The following GRM6 variants were observed in gnomAD, a reference collection of about 807,000 sequenced individuals.
The protein encoded by GRM6 is glutamate metabotropic receptor 6, also known as metabotropic glutamate receptor 6.
GRM6 carries 73 observed loss-of-function variants against 78.4 expected under a neutral mutation model. The observed-to-expected ratio is 0.93, with a 90% CI of 0.77 to 1.13. GRM6 has a LOEUF of 1.13. Among genes scored for constraint, GRM6 ranks in the 50% most tolerant of loss-of-function variants. The pLI, the probability that GRM6 is intolerant of heterozygous loss-of-function variation, is 0.00. For missense variants in GRM6, 1,251 were observed against 1,256.4 expected (o/e 1.00, Z 0.07); for synonymous variants, 580 against 555.0 (o/e 1.05, Z -0.63).
Position 178,981,418 on chromosome 5 carries a change from TTTCCC to T in GRM6, c.*234_*238del. On this transcript the variant is annotated 3_prime_UTR_variant, in exon 11 of 11. Transcript: ENST00000517717. The surrounding 1 kb of genome is among the most constrained non-coding windows in gnomAD (Gnocchi z 5.1). ...AGAGCTAGAACCTTCTCGGTGGCTG[TTTCCC>T]ACCATGGGAAGCGAGTCTGGTCTGT... is the stretch of plus-strand genomic sequence containing the variant. 3.8e-6 allele frequency: 2 copies of T among 519,546 alleles called. No homozygotes were observed. Among genetic ancestry groups the T allele is most frequent in the Non-Finnish European group, 6.9e-6 (2 of 287,898 alleles). The allele number at this position is 519,546 out of a possible 1,614,324, so 32.2% of individuals were successfully genotyped here.
At chr5:178,989,211 A>AGCCCCC in intron 6 of GRM6, 54 bp downstream of exon 6, 2 of 121,726 alleles carry the variant, frequency 1.6e-5, no homozygotes, top group Non-Finnish European at 2.6e-5. Flanking sequence ...CCCCCTCCCC[A>AGCCCCC]CCCTCACCAC....
chr5:178,992,900 CAAG>C lies in GRM6; in HGVS notation c.505-820_505-818del, dbSNP rs1366369100. On this transcript the variant is annotated intron_variant, in intron 2 of 10. Coordinates refer to ENST00000517717, the MANE Select transcript of GRM6 (RefSeq NM_000843.4). The surrounding 1 kb of genome is among the most constrained non-coding windows in gnomAD (Gnocchi z 4.9). ...GAGGGAAGGTGGGGCTGGAGAGAAA[CAAG>C]AAGGAGAGAGGGAGAGAGAGAGAGA... Among the ~76,000 whole-genome samples the C allele has an allele frequency of 3.3e-5, 5 of 151,468 alleles. No individual in the cohort carries two copies. The highest frequency in any genetic ancestry group is 6.6e-5 in the Admixed American group (1 of 15,180).
At chr5:178,982,064 G>A (rs557977290) in intron 10 of GRM6, among the ~76,000 whole-genome samples, 4 of 152,338 alleles carry the variant, frequency 2.6e-5, no homozygotes, top group African/African-American at 9.6e-5. Flanking sequence ...GGAGGGAGGG[G>A]TGAGGAGGGG....
chr5:178,990,381 C>A (rs1760648361), intron 5 of GRM6, among the ~76,000 whole-genome samples: 1 of 152,276 alleles, frequency 6.6e-6, no homozygotes, highest in Admixed American at 6.5e-5. Context: ...TCCTCCCCGT[C>A]CAGTGAGTGG....
chr5:178,989,689 CA>C (rs1760638603), intron 5 of GRM6: 1 of 531,532 alleles, frequency 1.9e-6, no homozygotes, highest in African/African-American at 1.9e-5. Flanking sequence ...CATGCTGATG[CA>C]AACTCAGAGC....
chr5:178,994,069 G>A (rs774956782), intron 2 of GRM6, among the ~76,000 whole-genome samples: 2 of 152,146 alleles, frequency 1.3e-5, no homozygotes, highest in Non-Finnish European at 2.9e-5. Flanking sequence ...CGAGCGCTCC[G>A]CAGGCCCAGG....
Position 178,993,381 on chromosome 5 carries a change from G to A in GRM6, c.504+1060C>T, listed in dbSNP as rs149955247. On this transcript the variant is annotated intron_variant, in intron 2 of 10. Coordinates refer to ENST00000517717, the MANE Select transcript of GRM6 (RefSeq NM_000843.4). ...GGGCCGGGGACACATACAGGTGGGTGAAAAACCCCTGGGCGGCCGCACAGC... is the reference window on the plus strand; with the variant it reads ...GGGCCGGGGACACATACAGGTGGGTAAAAAACCCCTGGGCGGCCGCACAGC... Among the ~76,000 whole-genome samples, 47 of 152,268 alleles carry A rather than the reference G, an allele frequency of 3.1e-4. 1 individual carries two copies. The highest frequency in any genetic ancestry group is 1.0e-3 in the Admixed American group (16 of 15,304).
chr5:178,994,243 T>C (rs550279655), intron 2 of GRM6, among the ~76,000 whole-genome samples, 198 bp downstream of exon 2: 4 of 152,134 alleles, frequency 2.6e-5, no homozygotes, highest in Non-Finnish European at 4.4e-5. Flanking sequence ...GGGGTAGACA[T>C]GGGCGGCTGG....
In GRM6 at chr5:178,994,810, G is replaced by A. The variant is rs958864799; in HGVS notation, c.135C>T (p.Phe45=). Residue 45 remains phenylalanine (F), a synonymous_variant, in exon 2 of 11, where the codon TTC becomes TTT. Transcript: ENST00000517717. ...CCGCCGCGCCCCGCGCGTGCACCGG[G>A]AACAGGCCGCCCAGCGTCAGGCCGC... ...LAGGLTLGGL[F]PVHARGAAGR... 4 of 1,276,462 alleles carry A rather than the reference G, an allele frequency of 3.1e-6. No homozygotes were observed. Among genetic ancestry groups the A allele is most frequent in the Non-Finnish European group, 4.0e-6 (4 of 1,010,708 alleles). 79.1% of individuals were successfully genotyped at this position (1,276,462 alleles called of 1,614,324 possible).
chr5:178,984,436 G>A (rs1760469003), intron 9 of GRM6, among the ~76,000 whole-genome samples: 1 of 152,214 alleles, frequency 6.6e-6, no homozygotes, highest in Non-Finnish European at 1.5e-5. Flanking sequence ...ATGCCATTTT[G>A]CAGCCCGTCA....
chr5:178,994,991 C>T, intron 1 of GRM6, 31 bp from the exon 2 acceptor site: 2 of 1,109,500 alleles, frequency 1.8e-6, no homozygotes, highest in Non-Finnish European at 2.2e-6. Flanking sequence ...GGGGAGCGCT[C>T]TGAGGGCGGG....
In GRM6 at chr5:178,992,205, G is replaced by A. The variant is rs1760691632; in HGVS notation, c.505-122C>T. 2.7e-6 allele frequency: 2 copies of A among 734,916 alleles called. No homozygotes were observed. The highest frequency in any genetic ancestry group is 3.0e-5 in the South Asian group (2 of 66,046). 45.5% of individuals were successfully genotyped at this position (734,916 alleles called of 1,614,324 possible). A position where few individuals can be genotyped will look rare whatever the true frequency, so the allele number is the denominator to read the frequency against. On this transcript the variant is annotated intron_variant, in intron 2 of 10. Coordinates refer to ENST00000517717, the MANE Select transcript of GRM6 (RefSeq NM_000843.4). This position sits in a 1 kb window ranked among gnomAD's most constrained non-coding sequence, Gnocchi z 4.9. ...GTGTGTGGCATGGACCTGGGACACAGATGGGAGATGGAAGGGTTGGGGTGG... is the reference window on the plus strand; with the variant it reads ...GTGTGTGGCATGGACCTGGGACACAAATGGGAGATGGAAGGGTTGGGGTGG...
At position 178,983,968 on chromosome 5, in the gene GRM6, C is replaced by G. The variant is rs919663499; in HGVS notation, c.2125-747G>C. Reference sequence around the variant, plus strand: ...ATCCAGCCTGCATGCCAGTGCCATGCCGAGCACCTGGAGCAGGGCCATGTG... The same window carrying G: ...ATCCAGCCTGCATGCCAGTGCCATGGCGAGCACCTGGAGCAGGGCCATGTG... On this transcript the variant is annotated intron_variant, in intron 9 of 10. Coordinates refer to ENST00000517717, the MANE Select transcript of GRM6 (RefSeq NM_000843.4). Among the ~76,000 whole-genome samples, 6 of 152,306 alleles carry G rather than the reference C, an allele frequency of 3.9e-5. No homozygotes were observed. The East Asian group carries it at 9.7e-4, about 25-fold the overall frequency.
At position 178,992,008 on chromosome 5, in the gene GRM6, C is replaced by G; in HGVS notation, c.580G>C (p.Val194Leu). ...TGCGCCTGGTAGGAGTCGGGTGGCA[C>G]CACCCGGGAGAAGAAGTCATAGCGT... ...STRYDFFSRV[V>L]PPDSYQAQAM... Residue 194 changes from valine to leucine, a missense_variant, in exon 3 of 11, where the codon GTG (valine) becomes CTG (leucine). Coordinates refer to ENST00000517717, the MANE Select transcript of GRM6 (RefSeq NM_000843.4). The surrounding 1 kb of genome is among the most constrained non-coding windows in gnomAD (Gnocchi z 4.9). 1 of 1,614,126 alleles carries G rather than the reference C, an allele frequency of 6.2e-7. No homozygotes were observed. The highest frequency in any genetic ancestry group is 8.5e-7 in the Non-Finnish European group (1 of 1,180,006).
intron 8 of GRM6, 25 bp from the exon 9 acceptor site, chr5:178,986,778 G>C: frequency 6.2e-7 from 1 of 1,610,680 alleles, no homozygotes; most frequent in Non-Finnish European, 8.5e-7. Flanking sequence ...ACACAGGCTG[G>C]GGCGTCTGCC....
At chr5:178,993,200 C>T (rs1760712617) in intron 2 of GRM6, among the ~76,000 whole-genome samples, 1 of 152,212 alleles carries the variant, frequency 6.6e-6, no homozygotes, top group Non-Finnish European at 1.5e-5. Flanking sequence ...TCTAGCCGGG[C>T]AGCACAACCT....
At chr5:178,989,433 G>A (rs766925488) in intron 5 of GRM6, 28 bp from the exon 6 acceptor site, 3 of 1,613,592 alleles carry the variant, frequency 1.9e-6, no homozygotes, top group Non-Finnish European at 2.5e-6. Flanking sequence ...GGGGGAGGGT[G>A]GCGCTGACCT....
intron 6 of GRM6, 50 bp downstream of exon 6, chr5:178,989,205 CTCCCCACCCT>C: frequency 3.3e-6 from 1 of 306,502 alleles, no homozygotes; most frequent in Non-Finnish European, 4.9e-6. Context: ...CGCCTTCCCC[CTCCCCACCCT>C]CACCACCCTC....
chr5:178,985,808 C>A, intron 9 of GRM6: 1 of 523,700 alleles, frequency 1.9e-6, no homozygotes, highest in Non-Finnish European at 3.6e-6. Context: ...GACACCCAAG[C>A]TGGATTGTAG....
Sources: gnomAD v4.1 joint callset for allele counts (sites outside exome capture counted in the v4.1 genomes callset) on GRCh38, gnomAD v4.1.1 for gene constraint, Gnocchi (gnomAD v3.1) non-coding constraint, MANE v1.5 for transcripts, NCBI Gene and HGNC (gene_info 2026-07-23, HGNC 2026-07-21) for gene names.